Variants in ECM2 observed in about 807,000 individuals in gnomAD.
ECM2 encodes extracellular matrix protein 2.
A neutral mutation model predicts 67.5 loss-of-function variants in ECM2; 57 were observed. The observed-to-expected ratio is 0.84, with a 90% CI of 0.68 to 1.05. The LOEUF is 1.05. Among genes scored for constraint, ECM2 ranks in the 50% least tolerant of loss-of-function variants. The pLI is 0.00. For missense variants in ECM2, 741 were observed against 822.8 expected (o/e 0.90, Z 1.22); for synonymous variants, 258 against 294.5 (o/e 0.88, Z 1.27).
rs146040741 is a variant in ECM2 at position 92,509,918 on chromosome 9, G to A, written c.1287C>T (p.Ile429=). The A allele has an allele frequency of 4.8e-4, 769 of 1,602,156 alleles. 2 individuals are homozygous for A. The African/African-American group carries it at 8.9e-3, about 19-fold the overall frequency. Residue 429 remains isoleucine (I), a synonymous_variant, in exon 6 of 10, where the codon ATC becomes ATT. Coordinates refer to ENST00000344604, the MANE Select transcript of ECM2 (RefSeq NM_001393.4). ...LKVNENNLQA[I]DEESLSDLNQ... ...AAATACCTGATAAACTTTCTTCATCGATAGCCTGAAGATTGTTCTCATTGA... is the reference window on the plus strand; with the variant it reads ...AAATACCTGATAAACTTTCTTCATCAATAGCCTGAAGATTGTTCTCATTGA...
At chr9:92,557,071 T>A in the ECM2 span, among the ~76,000 whole-genome samples, 5 of 152,372 alleles carry the variant, frequency 3.3e-5, no homozygotes, top group South Asian at 8.3e-4. Flanking sequence ...AACGACTATA[T>A]CTTTCCTTCA....
chr9:92,531,451 C>A (rs549803748), intron 1 of ECM2, among the ~76,000 whole-genome samples: 2 of 152,142 alleles, frequency 1.3e-5, no homozygotes, highest in African/African-American at 2.4e-5. Context: ...ATTTTTAAAC[C>A]CTCAAAAGAT....
chr9:92,540,061 A>G (rs1264185045), upstream of ECM2, among the ~76,000 whole-genome samples: 1 of 152,208 alleles, frequency 6.6e-6, no homozygotes, highest in South Asian at 2.1e-4. Context: ...AAGTGGCATA[A>G]ATTTTTAAAG....
At chr9:92,529,292 A>C (rs1478785656) in intron 1 of ECM2, among the ~76,000 whole-genome samples, 2 of 152,188 alleles carry the variant, frequency 1.3e-5, no homozygotes, top group African/African-American at 4.8e-5. Context: ...TAAAACCCAA[A>C]ACACTGACAA....
the ECM2 span, among the ~76,000 whole-genome samples, chr9:92,552,324 T>C: frequency 1.4e-4 from 21 of 152,198 alleles, 1 homozygote; most frequent in South Asian, 4.4e-3. Flanking sequence ...AGTATCTTTT[T>C]CGAATAATGA....
chr9:92,495,247 C>A (rs1846291376), downstream of ECM2: 1 of 704,150 alleles, frequency 1.4e-6, no homozygotes, highest in Admixed American at 6.3e-5. Flanking sequence ...CTGAGAGTAA[C>A]AAAAGAAGTC....
At chr9:92,555,136 C>T in the ECM2 span, among the ~76,000 whole-genome samples, 12 of 148,436 alleles carry the variant, frequency 8.1e-5, no homozygotes, top group African/African-American at 2.2e-4. Context: ...AGTGTCAAAA[C>T]GATTGGTATC....
intron 1 of ECM2, among the ~76,000 whole-genome samples, chr9:92,531,572 G>C (rs1848753428): frequency 6.6e-6 from 1 of 151,776 alleles, no homozygotes; most frequent in African/African-American, 2.4e-5. Context: ...TATATTATAG[G>C]CTATTTATCA....
chr9:92,514,933 T>G lies in ECM2; in HGVS notation c.752A>C (p.Lys251Thr), dbSNP rs1487275827. 1 of 1,613,956 alleles carries G rather than the reference T, an allele frequency of 6.2e-7. No individual in the cohort carries two copies. Among genetic ancestry groups the G allele is most frequent in the East Asian group, 2.2e-5 (1 of 44,896 alleles). The change falls in exon 4 of 10, where the codon AAG becomes ACG. Residue 251 changes from lysine to threonine, a missense_variant. Lys to Thr is a moderately conservative substitution (Grantham distance 78). Transcript: ENST00000344604. ...CCTCCTCTCCTCTCCAGGCCTCTGCTTTCTGTCTCCTCCTCTGCTGTCCCC... is the reference window on the plus strand; with the variant it reads ...CCTCCTCTCCTCTCCAGGCCTCTGCGTTCTGTCTCCTCCTCTGCTGTCCCC... ...SEGDSRGGDR[K>T]QRPGEERRLA...
At chr9:92,545,106 G>A in the ECM2 span, among the ~76,000 whole-genome samples, 1 of 152,170 alleles carries the variant, frequency 6.6e-6, no homozygotes, top group Non-Finnish European at 1.5e-5. Flanking sequence ...GCCCTCGCTC[G>A]CTCTTGGCAC....
chr9:92,550,135 C>T, the ECM2 span, among the ~76,000 whole-genome samples: 2 of 152,276 alleles, frequency 1.3e-5, no homozygotes, highest in East Asian at 1.9e-4. Flanking sequence ...TGGTGGCTCA[C>T]GCCTACAATC....
intron 5 of ECM2, among the ~76,000 whole-genome samples, chr9:92,511,299 G>A (rs1350138173): frequency 2.6e-5 from 4 of 151,938 alleles, no homozygotes; most frequent in Non-Finnish European, 5.9e-5. Context: ...CTAATTTTTT[G>A]TATTTTTAGT....
intron 1 of ECM2, among the ~76,000 whole-genome samples, chr9:92,530,569 A>G (rs902285713): frequency 2.0e-5 from 3 of 152,198 alleles, no homozygotes; most frequent in African/African-American, 7.2e-5. Flanking sequence ...TGTCCTAATG[A>G]TTGTAGGTAT....
chr9:92,523,886 G>T (rs1160853209), intron 1 of ECM2, among the ~76,000 whole-genome samples: 1 of 152,156 alleles, frequency 6.6e-6, no homozygotes, highest in African/African-American at 2.4e-5. Context: ...ACCTCTTGTG[G>T]CTTTCCACAA....
intron 1 of ECM2, among the ~76,000 whole-genome samples, chr9:92,533,310 A>C (rs1219801019): frequency 2.3e-4 from 19 of 81,920 alleles, no homozygotes; most frequent in South Asian, 5.1e-4. Flanking sequence ...AAACAAAAAA[A>C]AAAAAAAAAA....
At chr9:92,527,290 C>T (rs1433725733) in intron 1 of ECM2, among the ~76,000 whole-genome samples, 1 of 152,180 alleles carries the variant, frequency 6.6e-6, no homozygotes, top group Non-Finnish European at 1.5e-5. Flanking sequence ...GGATTACAGG[C>T]ATGAGCCCCC....
intron 2 of ECM2, 39 bp from the exon 3 acceptor site, chr9:92,517,914 T>G: frequency 6.2e-7 from 1 of 1,610,412 alleles, no homozygotes; most frequent in Non-Finnish European, 8.5e-7. Flanking sequence ...ATTTCTTATG[T>G]GATTATCAGT....
At chr9:92,531,967 ATTG>A (rs1814604780) in intron 1 of ECM2, among the ~76,000 whole-genome samples, 4 of 112,754 alleles carry the variant, frequency 3.5e-5, no homozygotes, top group African/African-American at 1.7e-4. Context: ...CCAGTATTTT[ATTG>A]TTGCCTTCTT....
intron 6 of ECM2, among the ~76,000 whole-genome samples, chr9:92,507,146 C>T (rs1847056177): frequency 1.3e-5 from 2 of 152,112 alleles, no homozygotes; most frequent in African/African-American, 4.8e-5. Context: ...ATGGGGATGG[C>T]AGGACAAGGG....
Sources: gnomAD v4.1 joint callset for allele counts (sites outside exome capture counted in the v4.1 genomes callset) on GRCh38, gnomAD v4.1.1 for gene constraint, MANE v1.5 for transcripts, NCBI Gene and HGNC (gene_info 2026-07-23, HGNC 2026-07-21) for gene names.